The following CERT1 variants were observed in gnomAD, a reference collection of about 807,000 sequenced individuals.
CERT1 encodes ceramide transfer protein.
A neutral mutation model predicts 87.9 loss-of-function variants in CERT1; 31 were observed. The ratio of observed to expected loss-of-function variants is 0.35; its 90% confidence interval spans 0.27 to 0.48. CERT1 has a LOEUF of 0.48. Ranked by LOEUF, CERT1 falls within the 20% of genes least tolerant of loss-of-function variation. The pLI, the probability that CERT1 is intolerant of heterozygous loss-of-function variation, is 0.99. For synonymous variants in CERT1, 289 were observed against 250.9 expected, an observed-to-expected ratio of 1.15 and a Z score of -1.44; for missense variants, 487 against 758.0, an observed-to-expected ratio of 0.64 and a Z score of 4.20.
At chr5:75,495,641 G>A (rs1415194307) in intron 2 of CERT1, among the ~76,000 whole-genome samples, 1 of 152,034 alleles carries the variant, frequency 6.6e-6, no homozygotes, top group Non-Finnish European at 1.5e-5. Context: ...CTTCCCTGGT[G>A]AATGCACTAC....
At chr5:75,385,795 C>A in intron 13 of CERT1, 107 bp downstream of exon 13, 1 of 863,124 alleles carries the variant, frequency 1.2e-6, no homozygotes, top group Non-Finnish European at 1.6e-6. Context: ...TTTCCAAATA[C>A]TTTCTACGTT....
intron 8 of CERT1, among the ~76,000 whole-genome samples, chr5:75,405,680 C>T (rs189092227): frequency 1.3e-5 from 2 of 152,158 alleles, no homozygotes; most frequent in African/African-American, 4.8e-5. Flanking sequence ...GGTTTATATA[C>T]AATAAGATAT....
intron 3 of CERT1, 123 bp from the exon 4 acceptor site, chr5:75,426,601 AT>A: frequency 1.5e-6 from 1 of 652,108 alleles, no homozygotes; most frequent in Non-Finnish European, 2.7e-6. Flanking sequence ...CATAAGATAT[AT>A]AGTCAATCCA....
chr5:75,449,020 A>C (rs775638400), intron 3 of CERT1, among the ~76,000 whole-genome samples: 6 of 152,220 alleles, frequency 3.9e-5, no homozygotes, highest in Non-Finnish European at 7.3e-5. Context: ...AACTCTATGC[A>C]AAATCATAAA....
intron 3 of CERT1, among the ~76,000 whole-genome samples, chr5:75,436,103 G>A (rs1764085504): frequency 6.6e-6 from 1 of 152,092 alleles, no homozygotes; most frequent in Non-Finnish European, 1.5e-5. Context: ...TGCGATCTTG[G>A]CGCACTGCAA....
At chr5:75,387,033 A>G (rs1761819000) in intron 12 of CERT1, among the ~76,000 whole-genome samples, 2 of 151,994 alleles carry the variant, frequency 1.3e-5, no homozygotes, top group African/African-American at 2.4e-5. Flanking sequence ...ACGCCCAGCT[A>G]ATTTTTGGTA....
chr5:75,402,833 A>G, intron 9 of CERT1, 139 bp downstream of exon 9: 1 of 526,746 alleles, frequency 1.9e-6, no homozygotes, highest in Non-Finnish European at 3.4e-6. Context: ...TACATTTGTG[A>G]CTCAATGTAT....
chr5:75,487,089 A>G (rs1766558391), intron 2 of CERT1, among the ~76,000 whole-genome samples: 1 of 152,214 alleles, frequency 6.6e-6, no homozygotes, highest in Admixed American at 6.5e-5. Context: ...ATTATACTAC[A>G]GAGCTATAGT....
At chr5:75,462,273 G>T (rs893899717) in intron 2 of CERT1, among the ~76,000 whole-genome samples, 1 of 152,198 alleles carries the variant, frequency 6.6e-6, no homozygotes, top group African/African-American at 2.4e-5. Context: ...TGGGACCAGG[G>T]ATCGGTTTCA....
chr5:75,406,789 C>T, intron 8 of CERT1, among the ~76,000 whole-genome samples: 1 of 152,086 alleles, frequency 6.6e-6, no homozygotes, highest in Non-Finnish European at 1.5e-5. Context: ...AGGTGATCTG[C>T]CCGCCTCGGC....
At chr5:75,388,088 C>T (rs2112024209) in intron 12 of CERT1, among the ~76,000 whole-genome samples, 1 of 152,298 alleles carries the variant, frequency 6.6e-6, no homozygotes, top group East Asian at 1.9e-4. Flanking sequence ...ACATCCTGGC[C>T]TGCTTCTGTA....
At chr5:75,382,587 A>T (rs1761628948) in intron 14 of CERT1, among the ~76,000 whole-genome samples, 1 of 152,104 alleles carries the variant, frequency 6.6e-6, no homozygotes. Context: ...TAAGGTATGC[A>T]AGGGGAAACA....
intron 3 of CERT1, among the ~76,000 whole-genome samples, chr5:75,431,633 T>C (rs759749194): frequency 4.1e-4 from 63 of 152,230 alleles, no homozygotes; most frequent in Non-Finnish European, 7.5e-4. Context: ...GTTCTCATTA[T>C]TTCGCTCTCA....
At chr5:75,469,307 G>A (rs1052844788) in intron 2 of CERT1, among the ~76,000 whole-genome samples, 10 of 152,088 alleles carry the variant, frequency 6.6e-5, no homozygotes, top group East Asian at 1.9e-4. Flanking sequence ...GAAAGCTTAC[G>A]GAATTTATGA....
At position 75,379,396 on chromosome 5, in the gene CERT1, A is replaced by G; in HGVS notation, c.1825T>C (p.Phe609Leu). The change falls in exon 17 of 17, where the codon TTT (phenylalanine) becomes CTT (leucine). Residue 609 changes from phenylalanine to leucine, a missense_variant. By Grantham distance (22) the Phe-to-Leu change is conservative (BLOSUM62 0). Around this residue, in one of 8 missense-constraint regions of CERT1, gnomAD observed 33 missense variants for 64.4 expected, o/e 0.51. Coordinates refer to ENST00000643780, the MANE Select transcript of CERT1 (RefSeq NM_001379029.1). ...GTTTTTTCTTGGACGTAAGAAGTAA[A>G]ACGTTTTAGAAATTTAGGATACTCT... is the stretch of plus-strand genomic sequence containing the variant. ...KREYPKFLKR[F>L]TSYVQEKTAG... 1 of 1,613,902 alleles carries G rather than the reference A, an allele frequency of 6.2e-7. No homozygotes were observed. The highest frequency in any genetic ancestry group is 8.5e-7 in the Non-Finnish European group (1 of 1,179,848).
In CERT1 at chr5:75,379,016, CA is replaced by C. The variant is rs1283590046; in HGVS notation, c.*329del. The C allele has an allele frequency of 1.1e-5, 2 of 185,354 alleles. No individual in the cohort carries two copies. Among genetic ancestry groups the C allele is most frequent in the African/African-American group, 4.7e-5 (2 of 42,412 alleles). 11.5% of individuals were successfully genotyped at this position (185,354 alleles called of 1,614,324 possible). A position where few individuals can be genotyped will look rare whatever the true frequency, so the allele number is the denominator to read the frequency against. On this transcript the variant is annotated 3_prime_UTR_variant, in exon 17 of 17. Coordinates refer to ENST00000643780, the MANE Select transcript of CERT1 (RefSeq NM_001379029.1). ...TAACATAGCAAGACCCCTATCTCTA[CA>C]AAAAATAAAAAATTAGCTGAGCATG...
chr5:75,433,562 C>T (rs780589614), intron 3 of CERT1, among the ~76,000 whole-genome samples: 7 of 152,076 alleles, frequency 4.6e-5, no homozygotes, highest in Non-Finnish European at 7.4e-5. Context: ...GTGCTGTCAC[C>T]CAGGCTGGAG....
At chr5:75,443,771 ACTGT>A (rs1409729991) in intron 3 of CERT1, among the ~76,000 whole-genome samples, 2 of 152,062 alleles carry the variant, frequency 1.3e-5, no homozygotes, top group Non-Finnish European at 2.9e-5. Context: ...TTATTGTAGA[ACTGT>A]CTATTTCTCC....
intron 3 of CERT1, among the ~76,000 whole-genome samples, chr5:75,450,308 C>G (rs765593141): frequency 6.6e-6 from 1 of 152,088 alleles, no homozygotes; most frequent in Admixed American, 6.6e-5. Context: ...GGAGTTCAGG[C>G]ACGGGGCTGA....
Sources: allele counts gnomAD v4.1 joint callset (sites outside exome capture counted in the v4.1 genomes callset), GRCh38; gene constraint gnomAD v4.1.1; regional missense constraint gnomAD v4.1.1; transcripts MANE v1.5; gene names NCBI Gene and HGNC (gene_info 2026-07-23, HGNC 2026-07-21).